TTC9C: variants seen among roughly 807,000 people sequenced by gnomAD.
TTC9C encodes the protein tetratricopeptide repeat domain 9C.
Under a neutral mutation model 22.5 loss-of-function variants are expected in TTC9C, and 15 were observed. The observed-to-expected ratio is 0.67, with a 90% CI of 0.45 to 1.03. The LOEUF (loss-of-function observed/expected upper bound fraction) is 1.03, where lower values mean the gene tolerates loss of function less well. TTC9C is among the 50% of genes least tolerant of loss of function. The pLI is 0.00. For missense variants in TTC9C, 244 were observed against 214.6 expected (o/e 1.14, Z -0.86); for synonymous variants, 92 against 86.8 (o/e 1.06, Z -0.33).
At chr11:62,730,003 C>T (rs1229745287) in intron 1 of TTC9C, among the ~76,000 whole-genome samples, 2 of 152,188 alleles carry the variant, frequency 1.3e-5, no homozygotes, top group Non-Finnish European at 1.5e-5. Flanking sequence ...ATTTGTGAAA[C>T]ACGTTCATTT....
chr11:62,738,051 A>AAAATAAAT (rs544159851), intron 2 of TTC9C, among the ~76,000 whole-genome samples: 4 of 151,716 alleles, frequency 2.6e-5, no homozygotes, highest in South Asian at 2.1e-4. Context: ...GTAAATAAAT[A>AAAATAAAT]AAATAAATAA....
At position 62,729,094 on chromosome 11, in the gene TTC9C, C is replaced by G. The variant is rs766583503; in HGVS notation, c.238+8C>G. 1 of 1,611,814 alleles carries G rather than the reference C, an allele frequency of 6.2e-7. No homozygotes were observed. On this transcript the variant is annotated splice_region_variant and intron_variant, in intron 1 of 2. Coordinates refer to ENST00000316461, the MANE Select transcript of TTC9C (RefSeq NM_173810.4). The stretch of plus-strand genomic sequence containing the variant: ...GCTATAACAATCTAGCTGGTAAGAA[C>G]GGGGCTAAAGGGTGGCTAGAGAGCA...
intron 2 of TTC9C, chr11:62,736,384 A>C (rs2083912599): frequency 6.6e-6 from 1 of 152,004 alleles, no homozygotes; most frequent in South Asian, 2.1e-4. Context: ...CTACTAAAAA[A>C]AATAAAAATA....
chr11:62,737,801 G>T (rs1363748406), intron 2 of TTC9C, among the ~76,000 whole-genome samples: 1 of 152,144 alleles, frequency 6.6e-6, no homozygotes, highest in Non-Finnish European at 1.5e-5. Context: ...GGGAGGCCAA[G>T]GCGGGTGGAT....
At chr11:62,730,773 A>G (rs2083839210) in intron 1 of TTC9C, among the ~76,000 whole-genome samples, 2 of 151,468 alleles carry the variant, frequency 1.3e-5, no homozygotes, top group African/African-American at 4.9e-5. Flanking sequence ...GGATTTCTTC[A>G]TGTTGGTCAG....
chr11:62,731,364 A>G (rs144820763), intron 1 of TTC9C, among the ~76,000 whole-genome samples: 1 of 152,310 alleles, frequency 6.6e-6, no homozygotes, highest in Non-Finnish European at 1.5e-5. Flanking sequence ...TCACAACTGT[A>G]ATCCCAACAC....
At chr11:62,734,277 G>T (rs751076704) in intron 1 of TTC9C, among the ~76,000 whole-genome samples, 2 of 151,670 alleles carry the variant, frequency 1.3e-5, no homozygotes, top group Non-Finnish European at 2.9e-5. Flanking sequence ...CAGCCTGGGC[G>T]ACAGAGCGAG....
chr11:62,731,494 A>G (rs1324241840), intron 1 of TTC9C, among the ~76,000 whole-genome samples: 2 of 151,982 alleles, frequency 1.3e-5, no homozygotes, highest in Non-Finnish European at 2.9e-5. Flanking sequence ...CTATTCTGGA[A>G]ACTGAGGTGG....
chr11:62,736,546 T>C (rs1476274320), intron 2 of TTC9C, among the ~76,000 whole-genome samples: 1 of 151,272 alleles, frequency 6.6e-6, no homozygotes, highest in African/African-American at 2.4e-5. Flanking sequence ...TACAAAAAAT[T>C]AGCCGGACGT....
chr11:62,728,066 T>A (rs1180977064), upstream of TTC9C: 1 of 150,906 alleles, frequency 6.6e-6, no homozygotes, highest in Non-Finnish European at 1.5e-5. Context: ...GTTGGTCCGC[T>A]GAGGAGGCGG....
At chr11:62,728,169 T>C (rs1158934407), upstream of TTC9C, 1 of 270,224 alleles carries the variant, frequency 3.7e-6, no homozygotes, top group Non-Finnish European at 7.3e-6. Context: ...ACTGTACGCA[T>C]CTCTGACCCT....
At position 62,729,072 on chromosome 11, in the gene TTC9C, A is replaced by G. The variant is rs774371941; in HGVS notation, c.224A>G (p.Tyr75Cys). 10 of 1,613,990 alleles carry G rather than the reference A, an allele frequency of 6.2e-6. No homozygotes were observed. The highest frequency in any genetic ancestry group is 5.0e-5 in the Admixed American group (3 of 59,984). ...TTGCATACCACCCAGACAGACTGCT[A>G]TAACAATCTAGCTGGTAAGAACGGG... is the stretch of plus-strand genomic sequence containing the variant. ...NILHTTQTDCYNNLAACLLQM... is the reference protein window; with the variant it reads ...NILHTTQTDCCNNLAACLLQM... Residue 75 changes from tyrosine to cysteine, a missense_variant, in exon 1 of 3, where the codon TAT becomes TGT. Transcript: ENST00000316461.
At chr11:62,737,219 CAAA>C (rs577375388) in intron 2 of TTC9C, among the ~76,000 whole-genome samples, 51 of 151,754 alleles carry the variant, frequency 3.4e-4, no homozygotes, top group Non-Finnish European at 6.5e-4. Flanking sequence ...CAAAACAAAA[CAAA>C]AAAACAGTGA....
chr11:62,728,745 C>T lies in TTC9C; in HGVS notation c.-104C>T, dbSNP rs762629663. 1.7e-6 allele frequency: 2 copies of T among 1,145,990 alleles called. No homozygotes were observed. The highest frequency in any genetic ancestry group is 1.5e-5 in the African/African-American group (1 of 65,538). 71.0% of individuals were successfully genotyped at this position (1,145,990 alleles called of 1,614,324 possible). A position where few individuals can be genotyped will look rare whatever the true frequency, so the allele number is the denominator to read the frequency against. On this transcript the variant is annotated 5_prime_UTR_variant, in exon 1 of 3. Transcript: ENST00000316461. ...ACTCTCCAGGAAGAAGGGTAATTTC[C>T]TGCCTCCTTAAATTGGCTGCTACTG...
intron 1 of TTC9C, among the ~76,000 whole-genome samples, chr11:62,731,470 G>T (rs1230548630): frequency 6.6e-6 from 1 of 152,042 alleles, no homozygotes; most frequent in African/African-American, 2.4e-5. Context: ...GGTTGTGCTT[G>T]CCGGTAGTCC....
rs1234550210 is a variant in TTC9C at position 62,738,514 on chromosome 11, C to T, written c.*132C>T. ...AGGTGGATTTTTGTTTCTAGTTCTGCACAAACTTCACTACTTAGACAGTCT... is the reference window on the plus strand; with the variant it reads ...AGGTGGATTTTTGTTTCTAGTTCTGTACAAACTTCACTACTTAGACAGTCT... On this transcript the variant is annotated 3_prime_UTR_variant, in exon 3 of 3. Transcript: ENST00000316461. 6 of 596,686 alleles carry T rather than the reference C, an allele frequency of 1.0e-5. No individual in the cohort carries two copies. Among genetic ancestry groups the T allele is most frequent in the Non-Finnish European group, 6.0e-6 (2 of 334,940 alleles). 37.0% of individuals were successfully genotyped at this position (596,686 alleles called of 1,614,324 possible).
At chr11:62,732,927 A>G (rs2083868803) in intron 1 of TTC9C, among the ~76,000 whole-genome samples, 1 of 152,046 alleles carries the variant, frequency 6.6e-6, no homozygotes, top group Non-Finnish European at 1.5e-5. Context: ...GTCTAAAAAC[A>G]AACAAACAAA....
intron 1 of TTC9C, among the ~76,000 whole-genome samples, chr11:62,730,546 ACT>A (rs2083836294): frequency 6.6e-6 from 1 of 151,988 alleles, no homozygotes; most frequent in Non-Finnish European, 1.5e-5. Context: ...GAAAATCCAA[ACT>A]CACCTCGAGG....
Position 62,728,809 on chromosome 11 carries a change from C to G in TTC9C, c.-40C>G. The G allele has an allele frequency of 1.2e-6, 2 of 1,604,098 alleles. No homozygotes were observed. Among genetic ancestry groups the G allele is most frequent in the Non-Finnish European group, 1.7e-6 (2 of 1,171,038 alleles). ...TCCCAACCCCAGAGCTTCACTTGCT[C>G]CTTCACTTCCCAGTTCCGCAAGAAC... On this transcript the variant is annotated 5_prime_UTR_variant, in exon 1 of 3. Coordinates refer to ENST00000316461, the MANE Select transcript of TTC9C (RefSeq NM_173810.4).
Sources: gnomAD v4.1 joint callset for allele counts (sites outside exome capture counted in the v4.1 genomes callset) on GRCh38, gnomAD v4.1.1 for gene constraint, MANE v1.5 for transcripts, NCBI Gene and HGNC (gene_info 2026-07-23, HGNC 2026-07-21) for gene names.